Variants in NWD2 observed in about 807,000 individuals in gnomAD.
The protein encoded by NWD2 is NACHT and WD repeat domain containing 2, also known as NACHT and WD repeat domain-containing protein 2.
NWD2 carries 37 observed loss-of-function variants against 132.7 expected under a neutral mutation model. The ratio of observed to expected loss-of-function variants is 0.28; its 90% CI spans 0.21 to 0.37. The LOEUF is 0.37. NWD2 is among the 10% of genes least tolerant of loss of function. The pLI, the probability that NWD2 is intolerant of heterozygous loss-of-function variation, is 1.00. For synonymous variants in NWD2, 705 were observed against 803.0 expected (o/e 0.88, Z 2.06); for missense variants, 1,592 against 2,122.4 (o/e 0.75, Z 4.91).
chr4:37,261,876 C>G (rs1717644161), intron 1 of NWD2, among the ~76,000 whole-genome samples: 1 of 152,128 alleles, frequency 6.6e-6, no homozygotes, highest in South Asian at 2.1e-4. Flanking sequence ...AACAGAGATG[C>G]TAACAGTAAA....
intron 3 of NWD2, among the ~76,000 whole-genome samples, chr4:37,424,110 C>T (rs1711910280): frequency 6.6e-6 from 1 of 152,054 alleles, no homozygotes; most frequent in Non-Finnish European, 1.5e-5. Context: ...AAGAATAAAT[C>T]AGGTAGAAAG....
chr4:37,372,172 T>C (rs1720242227), intron 3 of NWD2, among the ~76,000 whole-genome samples: 1 of 152,194 alleles, frequency 6.6e-6, no homozygotes, highest in Non-Finnish European at 1.5e-5. Flanking sequence ...ATATTAAAAC[T>C]AAACACACTT....
At chr4:37,257,475 A>C (rs1001546353) in intron 1 of NWD2, among the ~76,000 whole-genome samples, 1 of 152,218 alleles carries the variant, frequency 6.6e-6, no homozygotes, top group Non-Finnish European at 1.5e-5. Flanking sequence ...AATAATACCT[A>C]TCTCACAAGG....
chr4:37,388,627 T>TATATCA (rs1720616997), intron 3 of NWD2, among the ~76,000 whole-genome samples: 1 of 120,830 alleles, frequency 8.3e-6, no homozygotes, highest in African/African-American at 3.7e-5. Flanking sequence ...TATATTTATG[T>TATATCA]TATATATCAT....
At chr4:37,438,699 G>A (rs1432936118) in intron 5 of NWD2, 102 bp from the exon 6 acceptor site, 1 of 783,110 alleles carries the variant, frequency 1.3e-6, no homozygotes, top group East Asian at 2.7e-5. Flanking sequence ...CAAACCATAA[G>A]CAAAATAATT....
chr4:37,369,734 G>A (rs1258017631), intron 3 of NWD2, among the ~76,000 whole-genome samples: 2 of 152,146 alleles, frequency 1.3e-5, no homozygotes, highest in African/African-American at 4.8e-5. Flanking sequence ...TAGAGGGGGG[G>A]TCAAAGTAGG....
intron 1 of NWD2, among the ~76,000 whole-genome samples, chr4:37,279,439 T>C (rs1304071247): frequency 1.3e-5 from 2 of 152,214 alleles, no homozygotes; most frequent in Non-Finnish European, 2.9e-5. Flanking sequence ...CAGAAATTCA[T>C]TGTAAGTGAA....
chr4:37,377,866 ATAACT>A (rs906226926), intron 3 of NWD2, among the ~76,000 whole-genome samples: 23 of 152,346 alleles, frequency 1.5e-4, no homozygotes, highest in African/African-American at 4.1e-4. Flanking sequence ...ATAAGTTTAA[ATAACT>A]TAAAATAACT....
At chr4:37,277,087 C>A (rs1718035138) in intron 1 of NWD2, among the ~76,000 whole-genome samples, 1 of 150,898 alleles carries the variant, frequency 6.6e-6, no homozygotes. Context: ...ACATATGTAA[C>A]AAACCTGCAC....
intron 1 of NWD2, among the ~76,000 whole-genome samples, chr4:37,281,330 G>A (rs1560384269): frequency 6.6e-6 from 1 of 151,678 alleles, no homozygotes; most frequent in African/African-American, 2.4e-5. Context: ...CAGTTGGGGA[G>A]TTTAGTAGAA....
intron 1 of NWD2, among the ~76,000 whole-genome samples, chr4:37,275,450 C>T (rs1717988273): frequency 6.6e-6 from 1 of 152,020 alleles, no homozygotes; most frequent in African/African-American, 2.4e-5. Context: ...TAGAAGAACA[C>T]TCCATGCTCA....
chr4:37,443,564 A>G lies in NWD2; in HGVS notation c.1576A>G (p.Arg526Gly). 3 of 1,551,824 alleles carry G rather than the reference A, an allele frequency of 1.9e-6. No individual in the cohort carries two copies. The highest frequency in any genetic ancestry group is 2.6e-6 in the Non-Finnish European group (3 of 1,147,008). Residue 526 changes from arginine (R) to glycine (G), a missense_variant, in exon 7 of 7, where the codon AGG (arginine) becomes GGG (glycine). Transcript: ENST00000309447. The surrounding 1 kb of genome is among the most constrained non-coding windows in gnomAD (Gnocchi z 4.1). ...LEQLSENDDA[R>G]KLWWLPAHLP... ...GCAGCTCTCAGAGAATGATGATGCC[A>G]GGAAGCTTTGGTGGCTCCCAGCTCA...
intron 3 of NWD2, among the ~76,000 whole-genome samples, chr4:37,418,805 C>T (rs1711711550): frequency 6.6e-6 from 1 of 152,054 alleles, no homozygotes. Context: ...GTTCCTATTT[C>T]TCCACATCCT....
intron 1 of NWD2, among the ~76,000 whole-genome samples, chr4:37,281,041 A>T (rs1718117608): frequency 6.6e-6 from 1 of 151,884 alleles, no homozygotes; most frequent in Admixed American, 6.6e-5. Flanking sequence ...GAGGGTGGGG[A>T]GTGGGTCTGG....
At chr4:37,347,387 T>C (rs536683621) in intron 2 of NWD2, among the ~76,000 whole-genome samples, 1 of 152,264 alleles carries the variant, frequency 6.6e-6, no homozygotes, top group African/African-American at 2.4e-5. Context: ...CCTCCCTTTA[T>C]TGAATGTAGG....
chr4:37,361,942 G>A (rs1033582439), intron 3 of NWD2, among the ~76,000 whole-genome samples: 2 of 152,006 alleles, frequency 1.3e-5, no homozygotes, highest in African/African-American at 4.8e-5. Flanking sequence ...TCTTCCAAAG[G>A]GCTCCCATAA....
At chr4:37,372,552 A>T (rs772745972) in intron 3 of NWD2, among the ~76,000 whole-genome samples, 7 of 152,256 alleles carry the variant, frequency 4.6e-5, no homozygotes. Context: ...ATGTCAAACT[A>T]CAAGTTATCT....
intron 5 of NWD2, among the ~76,000 whole-genome samples, chr4:37,437,751 C>T (rs551095797): frequency 1.3e-5 from 2 of 151,612 alleles, no homozygotes; most frequent in South Asian, 4.2e-4. Context: ...TACTACTGAC[C>T]CAGTTTAAAA....
At chr4:37,255,865 G>A (rs1173033174) in intron 1 of NWD2, among the ~76,000 whole-genome samples, 4 of 152,116 alleles carry the variant, frequency 2.6e-5, no homozygotes, top group African/African-American at 9.7e-5. Flanking sequence ...CCAGAGAGTG[G>A]GACCAGCCAC....
Sources: allele counts gnomAD v4.1 joint callset (sites outside exome capture counted in the v4.1 genomes callset), GRCh38; gene constraint gnomAD v4.1.1; non-coding constraint Gnocchi (gnomAD v3.1); transcripts MANE v1.5; gene names NCBI Gene and HGNC (gene_info 2026-07-23, HGNC 2026-07-21).